LUZP2: variants seen among roughly 807,000 people sequenced by gnomAD.
The protein encoded by LUZP2 is leucine zipper protein 2.
Under a neutral mutation model 51.6 loss-of-function variants are expected in LUZP2, and 52 were observed. The observed-to-expected ratio is 1.01, with a 90% confidence interval of 0.81 to 1.27. The LOEUF (loss-of-function observed/expected upper bound fraction) is 1.27. Among genes scored for constraint, LUZP2 ranks in the 50% most tolerant of loss-of-function variants. The pLI, the probability that LUZP2 is intolerant of heterozygous loss-of-function variation, is 0.00. For missense variants in LUZP2, 436 were observed against 395.4 expected, an observed-to-expected ratio of 1.10 and a Z score of -0.87; for synonymous variants, 154 against 137.3, an observed-to-expected ratio of 1.12 and a Z score of -0.85.
chr11:24,939,371 C>T (rs1368904167), intron 7 of LUZP2, among the ~76,000 whole-genome samples: 3 of 151,870 alleles, frequency 2.0e-5, no homozygotes, highest in East Asian at 1.9e-4. Flanking sequence ...TTTAATACAA[C>T]ATGGTAAGAG....
At chr11:24,896,983 A>T (rs796436093) in intron 5 of LUZP2, among the ~76,000 whole-genome samples, 3 of 152,306 alleles carry the variant, frequency 2.0e-5, no homozygotes, top group African/African-American at 7.2e-5. Flanking sequence ...TGCACCAATC[A>T]ATACTCTGTG....
At chr11:24,744,142 A>G (rs1859286906) in intron 4 of LUZP2, among the ~76,000 whole-genome samples, 2 of 152,038 alleles carry the variant, frequency 1.3e-5, no homozygotes. Flanking sequence ...TTTAGTGTCT[A>G]TGTTCATGAA....
intron 1 of LUZP2, among the ~76,000 whole-genome samples, chr11:24,657,441 G>A (rs569787915): frequency 6.6e-6 from 1 of 152,202 alleles, no homozygotes; most frequent in Admixed American, 6.5e-5. Flanking sequence ...AATAATAAGA[G>A]CTATCTATGA....
chr11:24,961,943 G>T (rs1248687014), intron 7 of LUZP2, among the ~76,000 whole-genome samples: 1 of 151,746 alleles, frequency 6.6e-6, no homozygotes, highest in Non-Finnish European at 1.5e-5. Flanking sequence ...GGCAGGCCTG[G>T]TGGTGACAAA....
chr11:24,740,488 T>C (rs534860027), intron 4 of LUZP2, among the ~76,000 whole-genome samples: 1 of 152,222 alleles, frequency 6.6e-6, no homozygotes, highest in South Asian at 2.1e-4. Flanking sequence ...AACCAGAAAC[T>C]TCCTAAAGAA....
intron 5 of LUZP2, among the ~76,000 whole-genome samples, chr11:24,794,439 A>G (rs1184858756): frequency 1.3e-5 from 2 of 152,276 alleles, no homozygotes; most frequent in South Asian, 2.1e-4. Flanking sequence ...GTATTTTCAG[A>G]ATGGCTGTGA....
chr11:24,566,537 C>A (rs1852225139), intron 1 of LUZP2, among the ~76,000 whole-genome samples: 1 of 144,556 alleles, frequency 6.9e-6, no homozygotes, highest in Non-Finnish European at 1.5e-5. Context: ...TATGTATACA[C>A]ATATGTATAT....
At chr11:24,935,444 G>A (rs373042999) in intron 7 of LUZP2, among the ~76,000 whole-genome samples, 36 of 152,166 alleles carry the variant, frequency 2.4e-4, no homozygotes, top group African/African-American at 7.7e-4. Flanking sequence ...TGAGACATTT[G>A]TTTCTTCTGA....
chr11:25,009,293 T>G (rs1428641602), intron 9 of LUZP2, among the ~76,000 whole-genome samples: 1 of 152,184 alleles, frequency 6.6e-6, no homozygotes, highest in Non-Finnish European at 1.5e-5. Context: ...TACTTAAACT[T>G]CAGCAAAAAT....
At chr11:25,014,720 A>T (rs978738665) in intron 9 of LUZP2, among the ~76,000 whole-genome samples, 1 of 152,112 alleles carries the variant, frequency 6.6e-6, no homozygotes. Context: ...CTCTGATGGT[A>T]GTTTCTTTTG....
intron 1 of LUZP2, among the ~76,000 whole-genome samples, chr11:24,591,514 T>C (rs1355639244): frequency 6.6e-6 from 1 of 152,192 alleles, no homozygotes; most frequent in East Asian, 1.9e-4. Context: ...CAAATACAAA[T>C]ATGTTGTGGT....
rs75723427 is a variant in LUZP2, at chr11:25,041,919, C to T, written c.766-8119C>T. ...GGAGGGGAACCCCTATTGTGAACTG[C>T]GTGTGCGAGGGATCTGGGTTATGTG... is the stretch of plus-strand genomic sequence containing the variant. On this transcript the variant is annotated intron_variant, in intron 9 of 11. Transcript: ENST00000336930. Among the ~76,000 whole-genome samples the T allele has an allele frequency of 6.9e-3, 1,048 of 152,200 alleles. 34 individuals are homozygous for T. In the East Asian group the frequency reaches 0.099, roughly 14 times the overall value.
At chr11:25,058,807 G>A (rs1858756672) in intron 10 of LUZP2, among the ~76,000 whole-genome samples, 1 of 152,100 alleles carries the variant, frequency 6.6e-6, no homozygotes, top group African/African-American at 2.4e-5. Flanking sequence ...TTGATTTAAT[G>A]TTACATTCTC....
At chr11:25,023,214 G>T (rs1175812894) in intron 9 of LUZP2, among the ~76,000 whole-genome samples, 2 of 152,110 alleles carry the variant, frequency 1.3e-5, no homozygotes, top group South Asian at 2.1e-4. Flanking sequence ...AATAGTTTCA[G>T]AAGGAATGGT....
intron 1 of LUZP2, among the ~76,000 whole-genome samples, chr11:24,708,863 C>G (rs540338089): frequency 3.4e-4 from 52 of 152,156 alleles, no homozygotes; most frequent in African/African-American, 1.2e-3. Context: ...AATTAAAAAC[C>G]CTGTATAAGA....
chr11:24,808,458 C>T (rs1429430821), intron 5 of LUZP2, among the ~76,000 whole-genome samples: 2 of 152,166 alleles, frequency 1.3e-5, no homozygotes, highest in African/African-American at 2.4e-5. Context: ...TTAATCTTTT[C>T]TCTGCCAATC....
chr11:24,529,597 T>A (rs1850932565), intron 1 of LUZP2, among the ~76,000 whole-genome samples: 1 of 151,056 alleles, frequency 6.6e-6, no homozygotes, highest in African/African-American at 2.4e-5. Context: ...TCAATAAGAA[T>A]AAGACATTTA....
At chr11:24,996,964 C>T (rs938281628) in intron 9 of LUZP2, among the ~76,000 whole-genome samples, 1 of 150,738 alleles carries the variant, frequency 6.6e-6, no homozygotes, top group African/African-American at 2.4e-5. Flanking sequence ...TTTTTTATGG[C>T]TGCATAGTAT....
intron 5 of LUZP2, among the ~76,000 whole-genome samples, chr11:24,799,520 G>A (rs1183657651): frequency 2.0e-5 from 3 of 151,944 alleles, no homozygotes; most frequent in Admixed American, 1.3e-4. Flanking sequence ...GAACTTGGGA[G>A]GTGGAGGTTG....
Sources: gnomAD v4.1 joint callset for allele counts (sites outside exome capture counted in the v4.1 genomes callset) on GRCh38, gnomAD v4.1.1 for gene constraint, MANE v1.5 for transcripts, NCBI Gene and HGNC (gene_info 2026-07-23, HGNC 2026-07-21) for gene names.